The following GAS2L3 variants were observed in gnomAD, a reference collection of about 807,000 sequenced individuals.
GAS2L3 encodes the protein GAS2-like protein 3.
GAS2L3 carries 28 observed loss-of-function variants against 37.0 expected under a neutral mutation model. The ratio of observed to expected loss-of-function variants is 0.76; its 90% CI spans 0.56 to 1.04. GAS2L3 has a LOEUF of 1.04. GAS2L3 is among the 50% of genes least tolerant of loss of function. The pLI is 0.00. For missense variants in GAS2L3, 793 were observed against 817.6 expected, an observed-to-expected ratio of 0.97 and a Z score of 0.37; for synonymous variants, 290 against 296.6, an observed-to-expected ratio of 0.98 and a Z score of 0.23.
Position 100,614,035 on chromosome 12 carries a change from A to G in GAS2L3, c.445+1894A>G, listed in dbSNP as rs538557292. On this transcript the variant is annotated intron_variant, in intron 6 of 9. Coordinates refer to ENST00000547754, the MANE Select transcript of GAS2L3 (RefSeq NM_174942.3). Reference sequence around the variant, plus strand: ...GAAAAGGAGATGATCCACAACTACTATATCATTGCATTTAGCATGTGTTCT... The same window carrying G: ...GAAAAGGAGATGATCCACAACTACTGTATCATTGCATTTAGCATGTGTTCT... Among the ~76,000 whole-genome samples, 4 of 152,314 alleles carry G rather than the reference A, an allele frequency of 2.6e-5. No homozygotes were observed. In the East Asian group the frequency reaches 5.8e-4, roughly 22 times the overall value.
rs1347763090 is a variant in GAS2L3, at chr12:100,626,336, C to G, written c.*1446C>G. 6.6e-6 allele frequency: 1 copy of G among 152,118 alleles called. No individual in the cohort carries two copies. Among genetic ancestry groups the G allele is most frequent in the Non-Finnish European group, 1.5e-5 (1 of 68,002 alleles). 9.4% of individuals were successfully genotyped at this position (152,118 alleles called of 1,614,324 possible). On this transcript the variant is annotated 3_prime_UTR_variant, in exon 10 of 10. Transcript: ENST00000547754. The stretch of plus-strand genomic sequence containing the variant: ...GAAAACTTTCTATGAAGATAAATGA[C>G]CTTTTGCCTGAAGAGTACAGATAAA...
chr12:100,621,212 A>C (rs1222016561), intron 8 of GAS2L3, among the ~76,000 whole-genome samples: 2 of 152,146 alleles, frequency 1.3e-5, no homozygotes, highest in South Asian at 2.1e-4. Context: ...CGTTTTGATA[A>C]ATTTTGTGTG....
In GAS2L3 at chr12:100,573,798, C is replaced by G. The variant is rs1481979420; in HGVS notation, c.-152+13C>G. ...CCTCCTGCGCCTGGTGAGTACTTCC[C>G]TGTTTGTCTTCTCTTTTCCTGGCGA... On this transcript the variant is annotated intron_variant, in intron 1 of 9. Coordinates refer to ENST00000547754, the MANE Select transcript of GAS2L3 (RefSeq NM_174942.3). The G allele has an allele frequency of 6.5e-6, 1 of 153,134 alleles. No individual in the cohort carries two copies. Among genetic ancestry groups the G allele is most frequent in the African/African-American group, 2.4e-5 (1 of 41,474 alleles). The allele number at this position is 153,134 out of a possible 1,614,324, so 9.5% of individuals were successfully genotyped here.
At chr12:100,577,714 C>A (rs1955655441) in intron 1 of GAS2L3, among the ~76,000 whole-genome samples, 1 of 152,118 alleles carries the variant, frequency 6.6e-6, no homozygotes. Context: ...GTATAGAGTG[C>A]AGCAAAATAG....
intron 2 of GAS2L3, chr12:100,593,767 G>T (rs1035600252): frequency 1.3e-5 from 2 of 152,084 alleles, no homozygotes; most frequent in Admixed American, 1.3e-4. Flanking sequence ...GAATTAGCTC[G>T]TGGGAAGCAT....
chr12:100,606,648 T>A (rs747066309), intron 5 of GAS2L3, among the ~76,000 whole-genome samples: 2 of 152,084 alleles, frequency 1.3e-5, no homozygotes, highest in Non-Finnish European at 2.9e-5. Context: ...ATTTTTTGTG[T>A]ATCTGTTGTA....
chr12:100,593,798 T>G (rs1056257907), intron 2 of GAS2L3: 6 of 152,080 alleles, frequency 3.9e-5, no homozygotes, highest in Non-Finnish European at 8.8e-5. Context: ...TTAGGAATGC[T>G]CACTTGTACT....
intron 1 of GAS2L3, among the ~76,000 whole-genome samples, chr12:100,587,286 A>C (rs573083659): frequency 6.6e-6 from 1 of 152,218 alleles, no homozygotes; most frequent in East Asian, 1.9e-4. Context: ...AAAGAAAACT[A>C]CAGACCAATA....
chr12:100,610,377 A>G (rs1834563867), intron 5 of GAS2L3, among the ~76,000 whole-genome samples: 1 of 152,218 alleles, frequency 6.6e-6, no homozygotes, highest in Admixed American at 6.5e-5. Flanking sequence ...ATATGCACAC[A>G]TACACACACA....
rs577709031 is a variant in GAS2L3, at chr12:100,586,241, C to T, written c.-151-5495C>T. Among the ~76,000 whole-genome samples, 5 of 152,268 alleles carry T rather than the reference C, an allele frequency of 3.3e-5. No homozygotes were observed. The East Asian group carries it at 7.7e-4, about 24-fold the overall frequency. On this transcript the variant is annotated intron_variant, in intron 1 of 9. Coordinates refer to ENST00000547754, the MANE Select transcript of GAS2L3 (RefSeq NM_174942.3). ...GACAAATGGACTTAACAGATATATA[C>T]AGAACATTTCATCCAACAACAGCAG...
intron 1 of GAS2L3, among the ~76,000 whole-genome samples, chr12:100,590,734 T>C (rs1955836168): frequency 6.6e-6 from 1 of 152,084 alleles, no homozygotes; most frequent in Non-Finnish European, 1.5e-5. Flanking sequence ...TAATATATGA[T>C]GGAATATTAT....
intron 1 of GAS2L3, among the ~76,000 whole-genome samples, chr12:100,582,762 A>G (rs1360106581): frequency 2.6e-5 from 4 of 152,188 alleles, no homozygotes; most frequent in Admixed American, 2.0e-4. Flanking sequence ...TCATTATCTT[A>G]TGGTTTAGAA....
Position 100,622,749 on chromosome 12 carries a change from T to TAAAAAAAAAAAAAAAAAAAAAA in GAS2L3, c.756+379_756+400dup. Reference sequence around the variant, plus strand: ...ATCTAATAAGATTGAGTATCCATAGTAAAAAAAAAAAAAAAAAAAAAAAAA... The same window carrying TAAAAAAAAAAAAAAAAAAAAAA: ...ATCTAATAAGATTGAGTATCCATAGTAAAAAAAAAAAAAAAAAAAAAAAAAAAAAAAAAAAAAAAAAAAAAAA... On this transcript the variant is annotated intron_variant, in intron 9 of 9. Coordinates refer to ENST00000547754, the MANE Select transcript of GAS2L3 (RefSeq NM_174942.3). Among the ~76,000 whole-genome samples, 13 of 26,840 alleles carry TAAAAAAAAAAAAAAAAAAAAAA rather than the reference T, an allele frequency of 4.8e-4. 2 individuals carry two copies. Among genetic ancestry groups the TAAAAAAAAAAAAAAAAAAAAAA allele is most frequent in the Admixed American group, 7.8e-4 (1 of 1,290 alleles). 17.6% of individuals were successfully genotyped at this position (26,840 alleles called of 152,430 possible).
At chr12:100,578,734 C>A in intron 1 of GAS2L3, 2 of 501,074 alleles carry the variant, frequency 4.0e-6, no homozygotes, top group South Asian at 2.8e-5. Context: ...GATGCCTAAA[C>A]CATCTCAGCA....
At chr12:100,608,473 A>G (rs918471815) in intron 5 of GAS2L3, among the ~76,000 whole-genome samples, 1 of 152,082 alleles carries the variant, frequency 6.6e-6, no homozygotes, top group African/African-American at 2.4e-5. Flanking sequence ...TTTCAGAGTC[A>G]TGTTCCCCCA....
At chr12:100,579,490 C>G in intron 1 of GAS2L3, 1 of 771,514 alleles carries the variant, frequency 1.3e-6, no homozygotes, top group Non-Finnish European at 2.4e-6. Flanking sequence ...TACCCAAACT[C>G]TTGTCAGAAA....
chr12:100,588,701 T>A (rs1249500426), intron 1 of GAS2L3, among the ~76,000 whole-genome samples: 1 of 152,150 alleles, frequency 6.6e-6, no homozygotes, highest in Admixed American at 6.5e-5. Context: ...TTATCTCAAC[T>A]GTGTAAGACA....
intron 1 of GAS2L3, among the ~76,000 whole-genome samples, chr12:100,584,930 C>G (rs1393348098): frequency 7.9e-6 from 1 of 126,096 alleles, no homozygotes; most frequent in African/African-American, 3.1e-5. Context: ...GCTCTGTTGC[C>G]TAGGCTGGAG....
Position 100,578,678 on chromosome 12 carries a change from G to A in GAS2L3, c.-152+4893G>A, listed in dbSNP as rs375061940. The stretch of plus-strand genomic sequence containing the variant: ...CCAGACACAGGTGGCCATGGAACTC[G>A]CTGGTAATAGAGGACACATCTCTTA... On this transcript the variant is annotated intron_variant, in intron 1 of 9. Transcript: ENST00000547754. 3.5e-4 allele frequency: 112 copies of A among 319,892 alleles called. No homozygotes were observed. In the South Asian group the frequency reaches 7.5e-3, roughly 21 times the overall value. The allele number at this position is 319,892 out of a possible 1,614,324, so 19.8% of individuals were successfully genotyped here.
Sources: gnomAD v4.1 joint callset for allele counts (sites outside exome capture counted in the v4.1 genomes callset) on GRCh38, gnomAD v4.1.1 for gene constraint, MANE v1.5 for transcripts, NCBI Gene and HGNC (gene_info 2026-07-23, HGNC 2026-07-21) for gene names.